The following ABCA3 variants were observed in gnomAD, a reference collection of about 807,000 sequenced individuals.
ABCA3 encodes the protein phospholipid-transporting ATPase ABCA3.
ABCA3 carries 88 observed loss-of-function variants against 172.8 expected under a neutral mutation model. The observed-to-expected ratio is 0.51, with a 90% CI of 0.43 to 0.61. The LOEUF (loss-of-function observed/expected upper bound fraction) is 0.61. Ranked by LOEUF, ABCA3 falls within the 20% of genes least tolerant of loss-of-function variation. The pLI, the probability that ABCA3 is intolerant of heterozygous loss-of-function variation, is 0.00. For missense variants in ABCA3, 2,164 were observed against 2,301.0 expected (o/e 0.94, Z 1.22); for synonymous variants, 1,066 against 983.8 (o/e 1.08, Z -1.56).
chr16:2,339,126 C>A, intron 1 of ABCA3: 1 of 152,354 alleles, frequency 6.6e-6, no homozygotes, highest in Non-Finnish European at 1.5e-5. Flanking sequence ...AGAATGCTTC[C>A]CCTCAATAGA....
In ABCA3 at chr16:2,297,938, C is replaced by T. The variant is rs45566134; in HGVS notation, c.1897-17G>A. ...GCCCTTCAGCTGCAACGACAGGGGA[C>T]GCAGGGAGATGCAGGGCTCCTGGCG... On this transcript the variant is annotated splice_polypyrimidine_tract_variant and intron_variant, in intron 15 of 32. Transcript: ENST00000301732. This position sits in a 1 kb window ranked among gnomAD's most constrained non-coding sequence, Gnocchi z 5.6. The T allele has an allele frequency of 4.1e-4, 660 of 1,613,184 alleles. 2 individuals are homozygous for T. In the African/African-American group the frequency reaches 4.8e-3, roughly 12 times the overall value.
Position 2,281,154 on chromosome 16 carries a change from C to G in ABCA3, c.4232G>C (p.Cys1411Ser), listed in dbSNP as rs1325475831. 6.2e-7 allele frequency: 1 copy of G among 1,613,844 alleles called. No homozygotes were observed. The highest frequency in any genetic ancestry group is 8.5e-7 in the Non-Finnish European group (1 of 1,180,036). ...RLSLAVQKGE[C>S]FGLLGFNGAG... ...TCCATTGAAGCCCAGCAGGCCGAAG[C>G]ACTCCCCTTTCTGCACCGCGAGGGA... The change falls in exon 28 of 33, where the codon TGC becomes TCC. Residue 1411 changes from cysteine (C) to serine (S), a missense_variant. Coordinates refer to ENST00000301732, the MANE Select transcript of ABCA3 (RefSeq NM_001089.3). This position sits in a 1 kb window ranked among gnomAD's most constrained non-coding sequence, Gnocchi z 4.7.
Position 2,276,173 on chromosome 16 carries a change from TCA to T in ABCA3, c.*499_*500del. ...TGGACGCTAAGACCCCAGCACCTAA[TCA>T]CAGTCAGCAGCTTCCCTCCACTGAC... On this transcript the variant is annotated 3_prime_UTR_variant, in exon 33 of 33. Transcript: ENST00000301732. 1 of 382,316 alleles carries T rather than the reference TCA, an allele frequency of 2.6e-6. No individual in the cohort carries two copies. The highest frequency in any genetic ancestry group is 5.3e-6 in the Non-Finnish European group (1 of 188,636). 23.7% of individuals were successfully genotyped at this position (382,316 alleles called of 1,614,324 possible).
At chr16:2,320,798 T>C (rs2093724874) in intron 7 of ABCA3, among the ~76,000 whole-genome samples, 1 of 152,130 alleles carries the variant, frequency 6.6e-6, no homozygotes, top group African/African-American at 2.4e-5. Flanking sequence ...CATGCCAGTC[T>C]CACACACGTT....
intron 10 of ABCA3, among the ~76,000 whole-genome samples, chr16:2,309,820 A>G (rs2093703627): frequency 6.6e-6 from 1 of 152,002 alleles, no homozygotes; most frequent in Admixed American, 6.6e-5. Context: ...GGGTTTCCCT[A>G]TTTTGTCAGG....
chr16:2,306,168 A>G (rs947290738), intron 11 of ABCA3, among the ~76,000 whole-genome samples: 1 of 152,078 alleles, frequency 6.6e-6, no homozygotes, highest in African/African-American at 2.4e-5. Context: ...CCTAGGCAAC[A>G]CAGACAAATT....
In ABCA3 at chr16:2,277,741, G is replaced by T; in HGVS notation, c.4910-71C>A. On this transcript the variant is annotated intron_variant, in intron 31 of 32. Transcript: ENST00000301732. This position sits in a 1 kb window ranked among gnomAD's most constrained non-coding sequence, Gnocchi z 5.3. ...ATCGGGGAGGGTGCCTGGGTGCTCA[G>T]CACTGGAGTCCTCGTCCCAGGGATT... The T allele has an allele frequency of 6.2e-7, 1 of 1,600,592 alleles. No individual in the cohort carries two copies. Among genetic ancestry groups the T allele is most frequent in the Non-Finnish European group, 8.5e-7 (1 of 1,171,562 alleles).
At chr16:2,337,184 G>A (rs572485498) in intron 1 of ABCA3, among the ~76,000 whole-genome samples, 89 of 151,158 alleles carry the variant, frequency 5.9e-4, no homozygotes, top group Middle Eastern at 3.4e-3. Context: ...CAAAGTGCTG[G>A]GTATACAGGT....
In ABCA3 at chr16:2,286,603, C is replaced by T. The variant is rs2093663541; in HGVS notation, c.3278+91G>A. ...CCCAGGGGCTTTGGGAGGGCAGACA[C>T]AATGCTCTATCTATGGGCCCGTGGC... On this transcript the variant is annotated intron_variant, in intron 22 of 32. Transcript: ENST00000301732. This position sits in a 1 kb window ranked among gnomAD's most constrained non-coding sequence, Gnocchi z 5.2. 2 of 1,539,232 alleles carry T rather than the reference C, an allele frequency of 1.3e-6. No homozygotes were observed. The highest frequency in any genetic ancestry group is 1.8e-6 in the Non-Finnish European group (2 of 1,131,506).
intron 1 of ABCA3, among the ~76,000 whole-genome samples, chr16:2,333,580 T>C (rs1365752115): frequency 6.6e-6 from 1 of 152,096 alleles, no homozygotes; most frequent in Non-Finnish European, 1.5e-5. Context: ...CATGGTCTTT[T>C]AGGGTATACA....
At position 2,278,529 on chromosome 16, in the gene ABCA3, G is replaced by A. The variant is rs1383133368; in HGVS notation, c.4548-71C>T. 4.4e-6 allele frequency: 7 copies of A among 1,577,448 alleles called. No individual in the cohort carries two copies. The Admixed American group carries it at 6.7e-5, about 15-fold the overall frequency. On this transcript the variant is annotated intron_variant, in intron 29 of 32. Coordinates refer to ENST00000301732, the MANE Select transcript of ABCA3 (RefSeq NM_001089.3). This position sits in a 1 kb window ranked among gnomAD's most constrained non-coding sequence, Gnocchi z 4.4. Reference sequence around the variant, plus strand: ...GCATTGGCTCCCATGTCCCAGTGGAGGCCCGTGTCCCAGCAGCGGCCCACA... The same window carrying A: ...GCATTGGCTCCCATGTCCCAGTGGAAGCCCGTGTCCCAGCAGCGGCCCACA...
intron 10 of ABCA3, among the ~76,000 whole-genome samples, chr16:2,315,199 A>T (rs192497613): frequency 1.1e-3 from 143 of 134,694 alleles, no homozygotes; most frequent in African/African-American, 4.0e-3. Flanking sequence ...TGTTGTATGT[A>T]TTTTACACAC....
intron 1 of ABCA3, among the ~76,000 whole-genome samples, chr16:2,336,160 A>G (rs561688434): frequency 4.3e-4 from 65 of 152,218 alleles, no homozygotes; most frequent in Admixed American, 1.3e-3. Context: ...AGGTTTCCAC[A>G]ATTACGTGAC....
At position 2,297,189 on chromosome 16, in the gene ABCA3, C is replaced by T. The variant is rs1041928413; in HGVS notation, c.2263+140G>A. 11 of 926,570 alleles carry T rather than the reference C, an allele frequency of 1.2e-5. No individual in the cohort carries two copies. Among genetic ancestry groups the T allele is most frequent in the East Asian group, 5.3e-5 (2 of 38,042 alleles). The allele number at this position is 926,570 out of a possible 1,614,324, so 57.4% of individuals were successfully genotyped here. On this transcript the variant is annotated intron_variant, in intron 17 of 32. Coordinates refer to ENST00000301732, the MANE Select transcript of ABCA3 (RefSeq NM_001089.3). This position sits in a 1 kb window ranked among gnomAD's most constrained non-coding sequence, Gnocchi z 5.6. ...ACAAGCCCCCCTGCCTGGTTGGGCT[C>T]TCCACCCAGAGGCAACAGACAGGAA...
intron 10 of ABCA3, among the ~76,000 whole-genome samples, chr16:2,316,685 A>G (rs536315816): frequency 2.6e-5 from 4 of 151,926 alleles, no homozygotes; most frequent in African/African-American, 4.8e-5. Flanking sequence ...GAAAAAAAAA[A>G]CAAAAAACTG....
rs528439325 is a variant in ABCA3 at position 2,275,981 on chromosome 16, C to T, written c.*693G>A. Reference sequence around the variant, plus strand: ...AGGGTGGTCCCTGCGTGTCCTGGGGCGGGCGACTTCCTGAGGGTGCAGTGC... The same window carrying T: ...AGGGTGGTCCCTGCGTGTCCTGGGGTGGGCGACTTCCTGAGGGTGCAGTGC... On this transcript the variant is annotated 3_prime_UTR_variant, in exon 33 of 33. Transcript: ENST00000301732. 7 of 227,986 alleles carry T rather than the reference C, an allele frequency of 3.1e-5. No individual in the cohort carries two copies. Among genetic ancestry groups the T allele is most frequent in the Non-Finnish European group, 4.4e-5 (5 of 112,620 alleles). The allele number at this position is 227,986 out of a possible 1,614,324, so 14.1% of individuals were successfully genotyped here. A position where few individuals can be genotyped will look rare whatever the true frequency, so the allele number is the denominator to read the frequency against.
Position 2,297,595 on chromosome 16 carries a change from C to G in ABCA3, c.2053-56G>C. On this transcript the variant is annotated intron_variant, in intron 16 of 32. Transcript: ENST00000301732. The surrounding 1 kb of genome is among the most constrained non-coding windows in gnomAD (Gnocchi z 5.6). ...GGTAGAGCCACACCCCGGGCCCAGG[C>G]TGGCCTTGCGGTAGGCCCCATCGAG... 2 of 1,604,826 alleles carry G rather than the reference C, an allele frequency of 1.2e-6. No individual in the cohort carries two copies. Among genetic ancestry groups the G allele is most frequent in the South Asian group, 1.1e-5 (1 of 90,910 alleles).
At position 2,288,347 on chromosome 16, in the gene ABCA3, C is replaced by G. The variant is rs1190763829; in HGVS notation, c.2701-18G>C. 1 of 1,540,788 alleles carries G rather than the reference C, an allele frequency of 6.5e-7. No homozygotes were observed. The highest frequency in any genetic ancestry group is 1.9e-5 in the Admixed American group (1 of 51,430). ...AGGGCGAGCTGCGGCAGAGGGGACG[C>G]AGGTGACACCGGCACCGCTTGGGGC... On this transcript the variant is annotated intron_variant, in intron 20 of 32. Coordinates refer to ENST00000301732, the MANE Select transcript of ABCA3 (RefSeq NM_001089.3).
chr16:2,312,005 T>A (rs1369682679), intron 10 of ABCA3, among the ~76,000 whole-genome samples: 2 of 152,226 alleles, frequency 1.3e-5, no homozygotes, highest in Non-Finnish European at 2.9e-5. Flanking sequence ...GATGCATTAG[T>A]TCGTTTGGAA....
Sources: allele counts gnomAD v4.1 joint callset (sites outside exome capture counted in the v4.1 genomes callset), GRCh38; gene constraint gnomAD v4.1.1; non-coding constraint Gnocchi (gnomAD v3.1); transcripts MANE v1.5; gene names NCBI Gene and HGNC (gene_info 2026-07-23, HGNC 2026-07-21).